The following TRIO variants were observed in gnomAD, a reference collection of about 807,000 sequenced individuals.
TRIO encodes trio Rho guanine nucleotide exchange factor, also known as triple functional domain protein.
Under a neutral mutation model 351.9 loss-of-function variants are expected in TRIO, and 58 were observed. The ratio of observed to expected loss-of-function variants is 0.16; its 90% confidence interval spans 0.13 to 0.21. The LOEUF (loss-of-function observed/expected upper bound fraction) is 0.21, where lower values mean the gene tolerates loss of function less well. Ranked by LOEUF, TRIO falls within the 10% of genes least tolerant of loss-of-function variation. The probability of loss-of-function intolerance (pLI) is 1.00; values close to 1 mark genes in which losing one functional copy is unlikely to be tolerated. For missense variants in TRIO, 3,201 were observed against 4,027.8 expected, an observed-to-expected ratio of 0.79 and a Z score of 5.56; for synonymous variants, 1,758 against 1,595.7, an observed-to-expected ratio of 1.10 and a Z score of -2.42.
intron 1 of TRIO, among the ~76,000 whole-genome samples, chr5:14,226,300 C>T (rs998183465): frequency 7.1e-6 from 1 of 140,574 alleles, no homozygotes; most frequent in African/African-American, 2.6e-5. Context: ...GAGGGAACTT[C>T]AAGTCCTTTT....
chr5:14,161,360 CT>C (rs1340265730), intron 1 of TRIO, among the ~76,000 whole-genome samples: 2 of 152,202 alleles, frequency 1.3e-5, no homozygotes, highest in East Asian at 1.9e-4. Flanking sequence ...CCTGGTTTCC[CT>C]TCCTAACTCA....
intron 19 of TRIO, among the ~76,000 whole-genome samples, chr5:14,375,225 CA>C (rs1323903991): frequency 6.6e-6 from 1 of 152,204 alleles, no homozygotes; most frequent in Non-Finnish European, 1.5e-5. Flanking sequence ...CTCACAAAAG[CA>C]ACCGTTTTTC....
chr5:14,348,305 C>T (rs1333590657), intron 11 of TRIO, among the ~76,000 whole-genome samples: 1 of 152,232 alleles, frequency 6.6e-6, no homozygotes, highest in African/African-American at 2.4e-5. Flanking sequence ...GAACAGATTA[C>T]ACTGGTTATT....
chr5:14,477,765 A>AC (rs1285927870), intron 41 of TRIO, among the ~76,000 whole-genome samples: 1 of 152,176 alleles, frequency 6.6e-6, no homozygotes, highest in Non-Finnish European at 1.5e-5. Context: ...GCATCAGTCC[A>AC]CTGGAAGATA....
chr5:14,144,420 C>T (rs1581222852), intron 1 of TRIO, among the ~76,000 whole-genome samples: 1 of 152,206 alleles, frequency 6.6e-6, no homozygotes, highest in Non-Finnish European at 1.5e-5. Context: ...TCTAGCCTGT[C>T]ATCTCCCCGG....
chr5:14,285,355 T>C (rs1376628141), intron 3 of TRIO, among the ~76,000 whole-genome samples: 1 of 152,056 alleles, frequency 6.6e-6, no homozygotes, highest in African/African-American at 2.4e-5. Flanking sequence ...GTGAGCCGCC[T>C]TCTGATTGGG....
chr5:14,339,339 T>G (rs140570221), intron 11 of TRIO, among the ~76,000 whole-genome samples: 258 of 152,358 alleles, frequency 1.7e-3, no homozygotes, highest in African/African-American at 5.8e-3. Flanking sequence ...AGCATCCACT[T>G]ATAAGACCAT....
At chr5:14,323,027 A>C (rs1369937228) in intron 9 of TRIO, among the ~76,000 whole-genome samples, 7 of 152,174 alleles carry the variant, frequency 4.6e-5, no homozygotes, top group Admixed American at 3.9e-4. Context: ...AACCACAGCC[A>C]GGATGGAGCT....
At chr5:14,226,954 A>G (rs1030134798) in intron 1 of TRIO, among the ~76,000 whole-genome samples, 5 of 102,382 alleles carry the variant, frequency 4.9e-5, no homozygotes, top group Admixed American at 2.9e-4. Flanking sequence ...GTAGGAGTCC[A>G]GGAGGGAGGA....
At chr5:14,310,026 C>G (rs1396117919) in intron 8 of TRIO, among the ~76,000 whole-genome samples, 1 of 152,248 alleles carries the variant, frequency 6.6e-6, no homozygotes, top group Non-Finnish European at 1.5e-5. Flanking sequence ...CCGTGTCACT[C>G]CTGTTTGTGC....
chr5:14,270,972 A>G, intron 2 of TRIO, 73 bp downstream of exon 2: 1 of 1,025,726 alleles, frequency 9.7e-7, no homozygotes, highest in Non-Finnish European at 1.5e-6. Context: ...TAATAAATGA[A>G]CTCACCTGCC....
intron 1 of TRIO, among the ~76,000 whole-genome samples, chr5:14,239,567 A>G (rs1794003377): frequency 6.6e-6 from 1 of 152,136 alleles, no homozygotes; most frequent in African/African-American, 2.4e-5. Flanking sequence ...CGCTGACCTC[A>G]TCAGATGCTG....
rs1162912946 is a variant in TRIO at position 14,263,773 on chromosome 5, A to C, written c.158-7052A>C. Among the ~76,000 whole-genome samples the C allele has an allele frequency of 2.0e-5, 3 of 152,198 alleles. No individual in the cohort carries two copies. In the East Asian group the frequency reaches 5.8e-4, roughly 29 times the overall value. ...TGTGTGTATGGGTAAGGGGATGTAT[A>C]TATGTAGATAAGGGTGGGGTAACTC... On this transcript the variant is annotated intron_variant, in intron 1 of 56. Transcript: ENST00000344204.
At chr5:14,319,633 C>T (rs999596844) in intron 9 of TRIO, among the ~76,000 whole-genome samples, 1 of 152,112 alleles carries the variant, frequency 6.6e-6, no homozygotes, top group Non-Finnish European at 1.5e-5. Flanking sequence ...TTGAGTGATG[C>T]AAAAGCACCT....
chr5:14,454,268 C>T (rs1753071720), intron 34 of TRIO, among the ~76,000 whole-genome samples: 1 of 152,132 alleles, frequency 6.6e-6, no homozygotes, highest in South Asian at 2.1e-4. Flanking sequence ...TCAGTTCTGT[C>T]CTGAGCCCCC....
At chr5:14,293,249 G>A (rs116795066) in intron 6 of TRIO, 115 bp downstream of exon 6, 14 of 1,432,934 alleles carry the variant, frequency 9.8e-6, no homozygotes, top group Non-Finnish European at 1.2e-5. Flanking sequence ...GCTGTTGATT[G>A]TAGCAGCTGA....
chr5:14,387,231 G>T, intron 21 of TRIO: 1 of 489,372 alleles, frequency 2.0e-6, no homozygotes. Context: ...TCATAAAAAT[G>T]CCATTCGTTG....
intron 1 of TRIO, among the ~76,000 whole-genome samples, chr5:14,259,316 G>T (rs1422981384): frequency 6.6e-6 from 1 of 151,826 alleles, no homozygotes; most frequent in African/African-American, 2.4e-5. Context: ...TAACCAGAAT[G>T]AAAAAAAACC....
intron 34 of TRIO, among the ~76,000 whole-genome samples, chr5:14,440,284 G>A (rs979544360): frequency 2.6e-5 from 4 of 152,202 alleles, no homozygotes; most frequent in Non-Finnish European, 1.5e-5. Context: ...TATTCCAGGT[G>A]ACTTTTCGTC....
Sources: allele counts gnomAD v4.1 joint callset (sites outside exome capture counted in the v4.1 genomes callset), GRCh38; gene constraint gnomAD v4.1.1; transcripts MANE v1.5; gene names NCBI Gene and HGNC (gene_info 2026-07-23, HGNC 2026-07-21).